HDAC9: variants seen among roughly 807,000 people sequenced by gnomAD.
The protein encoded by HDAC9 is MEF-2 interacting transcription repressor (MITR) protein.
In HDAC9, 41 loss-of-function variants were observed where a neutral mutation model predicts 139.4. The ratio of observed to expected loss-of-function variants is 0.29; its 90% confidence interval spans 0.23 to 0.38. The LOEUF (loss-of-function observed/expected upper bound fraction) is 0.38. HDAC9 is among the 10% of genes least tolerant of loss of function. The pLI, the probability that HDAC9 is intolerant of heterozygous loss-of-function variation, is 1.00. For synonymous variants in HDAC9, 517 were observed against 476.2 expected, an observed-to-expected ratio of 1.09 and a Z score of -1.12; for missense variants, 1,147 against 1,297.0, an observed-to-expected ratio of 0.88 and a Z score of 1.78.
At chr7:18,814,042 C>G (rs1794385639) in intron 17 of HDAC9, among the ~76,000 whole-genome samples, 2 of 152,140 alleles carry the variant, frequency 1.3e-5, no homozygotes, top group African/African-American at 4.8e-5. Flanking sequence ...CTTCATCTGG[C>G]TCTTGGCTTC....
intron 1 of HDAC9, among the ~76,000 whole-genome samples, chr7:18,109,470 C>A (rs1330488799): frequency 6.6e-6 from 1 of 151,966 alleles, no homozygotes; most frequent in Non-Finnish European, 1.5e-5. Flanking sequence ...ATGTAAACCC[C>A]ACAACATCTG....
chr7:18,928,115 A>G (rs749247263), intron 22 of HDAC9, among the ~76,000 whole-genome samples: 4 of 152,194 alleles, frequency 2.6e-5, no homozygotes, highest in African/African-American at 2.4e-5. Flanking sequence ...CTATTTTACT[A>G]CAGGGAGGCA....
chr7:18,531,738 C>G (rs1809033670), intron 2 of HDAC9, among the ~76,000 whole-genome samples: 1 of 151,996 alleles, frequency 6.6e-6, no homozygotes, highest in African/African-American at 2.4e-5. Flanking sequence ...CTCTAATGTG[C>G]TTGTGTAAGC....
At chr7:18,311,616 C>T (rs980981132) in intron 1 of HDAC9, among the ~76,000 whole-genome samples, 4 of 152,190 alleles carry the variant, frequency 2.6e-5, no homozygotes, top group African/African-American at 9.6e-5. Flanking sequence ...GCAGTTCAAA[C>T]TTAGGTAGTC....
At chr7:18,738,113 T>C (rs1787097937) in intron 13 of HDAC9, among the ~76,000 whole-genome samples, 1 of 152,178 alleles carries the variant, frequency 6.6e-6, no homozygotes, top group African/African-American at 2.4e-5. Flanking sequence ...ATTTGCTTGG[T>C]AGATCTTCCT....
At chr7:18,153,490 A>G (rs1185176999) in intron 1 of HDAC9, among the ~76,000 whole-genome samples, 2 of 152,192 alleles carry the variant, frequency 1.3e-5, no homozygotes, top group African/African-American at 2.4e-5. Context: ...AAAGTTCTGT[A>G]CAAATGAAGA....
At chr7:18,137,336 A>G (rs1231067078) in intron 1 of HDAC9, among the ~76,000 whole-genome samples, 1 of 149,638 alleles carries the variant, frequency 6.7e-6, no homozygotes, top group Non-Finnish European at 1.5e-5. Flanking sequence ...AACTTCCAAC[A>G]GTATGTTGAA....
chr7:18,262,429 T>C (rs889673482), intron 2 of HDAC9, among the ~76,000 whole-genome samples: 3 of 152,164 alleles, frequency 2.0e-5, no homozygotes, highest in African/African-American at 7.2e-5. Context: ...CATTTCCAGA[T>C]AAACATAACC....
chr7:18,745,531 CTTTTTT>C (rs565092002), intron 13 of HDAC9, among the ~76,000 whole-genome samples: 2 of 90,486 alleles, frequency 2.2e-5, no homozygotes, highest in Non-Finnish European at 4.1e-5. Flanking sequence ...ACTCTCTACT[CTTTTTT>C]TTTTTTTTTT....
chr7:18,501,195 A>T (rs113574645), intron 2 of HDAC9, among the ~76,000 whole-genome samples: 110 of 152,296 alleles, frequency 7.2e-4, no homozygotes, highest in African/African-American at 2.4e-3. Flanking sequence ...GGGAACACTG[A>T]ATGCATTTAA....
intron 22 of HDAC9, among the ~76,000 whole-genome samples, chr7:18,886,760 C>T (rs1800191014): frequency 6.6e-6 from 1 of 152,082 alleles, no homozygotes; most frequent in African/African-American, 2.4e-5. Context: ...ATTAAAATAA[C>T]AAAATGAACA....
chr7:18,444,618 A>C (rs1792121771), intron 1 of HDAC9, among the ~76,000 whole-genome samples: 1 of 151,878 alleles, frequency 6.6e-6, no homozygotes, highest in African/African-American at 2.4e-5. Context: ...TCATTATTTT[A>C]TTTTGCCAGA....
At chr7:18,239,475 T>C (rs973886889) in intron 2 of HDAC9, among the ~76,000 whole-genome samples, 1 of 152,276 alleles carries the variant, frequency 6.6e-6, no homozygotes, top group Middle Eastern at 3.4e-3. Context: ...TTGATGTACA[T>C]AAAAGCTGAC....
At chr7:18,507,170 ATATTATTAT>A (rs59819356) in intron 2 of HDAC9, among the ~76,000 whole-genome samples, 34 of 144,326 alleles carry the variant, frequency 2.4e-4, no homozygotes, top group South Asian at 6.6e-4. Context: ...TATTCATTAC[ATATTATTAT>A]TATTATTATT....
intron 12 of HDAC9, among the ~76,000 whole-genome samples, chr7:18,720,839 ATT>A (rs958350157): frequency 1.3e-5 from 2 of 151,510 alleles, no homozygotes; most frequent in East Asian, 3.9e-4. Flanking sequence ...ACGCCAACTA[ATT>A]TTTTTGTTGT....
chr7:18,349,446 C>G (rs1429805522), intron 1 of HDAC9, among the ~76,000 whole-genome samples: 1 of 151,222 alleles, frequency 6.6e-6, no homozygotes, highest in Non-Finnish European at 1.5e-5. Flanking sequence ...ATATAGTTTT[C>G]TTTATTTTTT....
intron 6 of HDAC9, among the ~76,000 whole-genome samples, chr7:18,607,989 G>A (rs1835995202): frequency 1.3e-5 from 2 of 151,954 alleles, no homozygotes; most frequent in Admixed American, 6.6e-5. Flanking sequence ...ATGAGAAAAT[G>A]GCAAAAAATA....
chr7:18,974,732 A>T (rs1296415238), intron 24 of HDAC9, among the ~76,000 whole-genome samples: 31 of 152,160 alleles, frequency 2.0e-4, no homozygotes, highest in Admixed American at 2.0e-3. Context: ...AATAAAGGCC[A>T]CTCATAAAAT....
intron 16 of HDAC9, among the ~76,000 whole-genome samples, chr7:18,776,300 A>T (rs1279504836): frequency 1.3e-5 from 2 of 151,974 alleles, no homozygotes; most frequent in African/African-American, 4.8e-5. Flanking sequence ...CAACTCCATT[A>T]ATAGCAAATG....
Sources: allele counts gnomAD v4.1 joint callset (sites outside exome capture counted in the v4.1 genomes callset), GRCh38; gene constraint gnomAD v4.1.1; transcripts MANE v1.5; gene names NCBI Gene and HGNC (gene_info 2026-07-23, HGNC 2026-07-21).